The following EYS variants were observed in gnomAD, a reference collection of about 807,000 sequenced individuals.
EYS encodes the protein EGF-like photoreceptor maintenance factor, also known as protein eyes shut homolog.
In EYS, 250 loss-of-function variants were observed where a neutral mutation model predicts 282.1. That is an observed-to-expected ratio of 0.89 (90% CI 0.80 to 0.98). The LOEUF is 0.98. Among genes scored for constraint, EYS ranks in the 50% least tolerant of loss-of-function variants. The probability of loss-of-function intolerance (pLI) is 0.00; values close to 1 mark genes in which losing one functional copy is unlikely to be tolerated. For synonymous variants in EYS, 1,355 were observed against 1,282.9 expected (o/e 1.06, Z -1.20); for missense variants, 4,016 against 3,709.0 (o/e 1.08, Z -2.15).
chr6:64,002,684 T>A (rs1768152850), intron 33 of EYS, among the ~76,000 whole-genome samples: 1 of 152,134 alleles, frequency 6.6e-6, no homozygotes, highest in Non-Finnish European at 1.5e-5. Flanking sequence ...CTTTCCTGCT[T>A]CAGTGGGAAT....
intron 35 of EYS, among the ~76,000 whole-genome samples, chr6:63,951,377 C>A (rs1352666493): frequency 2.0e-5 from 3 of 152,110 alleles, no homozygotes; most frequent in African/African-American, 7.2e-5. Context: ...GTCTGAGGTG[C>A]CTGATGTCCA....
At chr6:65,038,642 C>G (rs193239746) in intron 13 of EYS, among the ~76,000 whole-genome samples, 1 of 151,354 alleles carries the variant, frequency 6.6e-6, no homozygotes, top group Non-Finnish European at 1.5e-5. Context: ...ATATAATCTG[C>G]AAAATGTTTT....
chr6:64,920,409 T>A (rs1365029944), intron 15 of EYS, among the ~76,000 whole-genome samples: 2 of 152,160 alleles, frequency 1.3e-5, no homozygotes, highest in African/African-American at 4.8e-5. Flanking sequence ...TTTAATTTCT[T>A]CTATTTTATT....
intron 35 of EYS, among the ~76,000 whole-genome samples, chr6:63,921,750 C>G (rs938300412): frequency 6.6e-6 from 1 of 152,082 alleles, no homozygotes; most frequent in African/African-American, 2.4e-5. Context: ...ATTAGGAACC[C>G]CAGTGGGTTT....
At chr6:65,502,427 G>A (rs1766488131) in intron 2 of EYS, among the ~76,000 whole-genome samples, 1 of 151,628 alleles carries the variant, frequency 6.6e-6, no homozygotes, top group South Asian at 2.1e-4. Context: ...AATTTACAAA[G>A]TTATTAGGAA....
intron 2 of EYS, among the ~76,000 whole-genome samples, chr6:65,600,850 T>C (rs1294679643): frequency 6.6e-6 from 1 of 151,962 alleles, no homozygotes; most frequent in African/African-American, 2.4e-5. Context: ...TCTACCCTCA[T>C]GGGCTATTCT....
intron 22 of EYS, among the ~76,000 whole-genome samples, chr6:64,700,771 G>A (rs1201022377): frequency 6.6e-6 from 1 of 151,886 alleles, no homozygotes; most frequent in Non-Finnish European, 1.5e-5. Flanking sequence ...GATTGCAAAA[G>A]TTAATGTTGT....
At chr6:64,528,325 T>A (rs1266518837) in intron 26 of EYS, among the ~76,000 whole-genome samples, 1 of 151,814 alleles carries the variant, frequency 6.6e-6, no homozygotes, top group Admixed American at 6.6e-5. Flanking sequence ...CACTGCATGT[T>A]CCTTTATCTC....
At chr6:65,575,753 G>A (rs1764641883) in intron 2 of EYS, among the ~76,000 whole-genome samples, 1 of 152,082 alleles carries the variant, frequency 6.6e-6, no homozygotes, top group East Asian at 1.9e-4. Flanking sequence ...AGAAATTAAA[G>A]AGGAGATATT....
rs146729137 is a variant in EYS at position 64,813,688 on chromosome 6, T to C, written c.3244-111A>G. 758 of 629,330 alleles carry C rather than the reference T, an allele frequency of 1.2e-3. 6 individuals are homozygous for C. The African/African-American group carries it at 0.013, about 10-fold the overall frequency. The allele number at this position is 629,330 out of a possible 1,614,324, so 39.0% of individuals were successfully genotyped here. On this transcript the variant is annotated intron_variant, in intron 21 of 42. Transcript: ENST00000503581. ...CTAAAAAACTGATGTGCAAACTTGT[T>C]TGACATTTCCTTCCTCTGTTAATTG...
At chr6:63,936,149 G>A (rs1330299772) in intron 35 of EYS, among the ~76,000 whole-genome samples, 2 of 152,156 alleles carry the variant, frequency 1.3e-5, no homozygotes, top group Non-Finnish European at 2.9e-5. Flanking sequence ...TCTCCAGGAT[G>A]GGGGTCTCAC....
intron 26 of EYS, among the ~76,000 whole-genome samples, chr6:64,518,718 A>C (rs1485455630): frequency 6.6e-6 from 1 of 151,140 alleles, no homozygotes; most frequent in African/African-American, 2.4e-5. Flanking sequence ...TCATGTGAGC[A>C]GTTTCCCCCA....
At chr6:65,573,262 A>G (rs996819148) in intron 2 of EYS, among the ~76,000 whole-genome samples, 4 of 152,174 alleles carry the variant, frequency 2.6e-5, no homozygotes, top group Non-Finnish European at 5.9e-5. Context: ...AAACATGTAT[A>G]TAGAAAGGAT....
chr6:65,102,501 A>C (rs1774922436), intron 12 of EYS, among the ~76,000 whole-genome samples: 1 of 151,248 alleles, frequency 6.6e-6, no homozygotes, highest in Non-Finnish European at 1.5e-5. Context: ...TTTTTTATGT[A>C]GCTATAAACA....
At chr6:63,823,542 A>G (rs1301547351) in intron 36 of EYS, among the ~76,000 whole-genome samples, 1 of 152,158 alleles carries the variant, frequency 6.6e-6, no homozygotes, top group Non-Finnish European at 1.5e-5. Flanking sequence ...ATTCTCTAAG[A>G]AAAAAATTTC....
chr6:64,544,805 C>T (rs1764799927), intron 26 of EYS, among the ~76,000 whole-genome samples: 4 of 152,120 alleles, frequency 2.6e-5, no homozygotes, highest in African/African-American at 9.7e-5. Flanking sequence ...CATACACCCT[C>T]CCAAGACTAA....
chr6:65,477,410 C>T (rs1340343613), intron 5 of EYS, among the ~76,000 whole-genome samples: 1 of 152,204 alleles, frequency 6.6e-6, no homozygotes, highest in Non-Finnish European at 1.5e-5. Context: ...AAGACTTACA[C>T]TTTACCAGCA....
At chr6:65,001,532 C>T (rs10944774) in intron 13 of EYS, among the ~76,000 whole-genome samples, 6 of 146,840 alleles carry the variant, frequency 4.1e-5, no homozygotes, top group Admixed American at 3.4e-4. Context: ...TATCTGGGTA[C>T]GGGCTAGGGA....
At chr6:64,371,179 G>T (rs2150413789) in intron 29 of EYS, among the ~76,000 whole-genome samples, 1 of 152,166 alleles carries the variant, frequency 6.6e-6, no homozygotes, top group East Asian at 1.9e-4. Context: ...TTGGAACACT[G>T]CTTTGGCTAT....
Sources: gnomAD v4.1 joint callset for allele counts (sites outside exome capture counted in the v4.1 genomes callset) on GRCh38, gnomAD v4.1.1 for gene constraint, MANE v1.5 for transcripts, NCBI Gene and HGNC (gene_info 2026-07-23, HGNC 2026-07-21) for gene names.